The following PRRC2B variants were observed in gnomAD, a reference collection of about 807,000 sequenced individuals.
PRRC2B encodes protein PRRC2B.
In PRRC2B, 68 loss-of-function variants were observed where a neutral mutation model predicts 242.3. The observed-to-expected ratio is 0.28, with a 90% CI of 0.23 to 0.34. The LOEUF (loss-of-function observed/expected upper bound fraction) is 0.34. PRRC2B is among the 10% of genes least tolerant of loss of function. The pLI is 1.00. For synonymous variants in PRRC2B, 1,228 were observed against 1,173.6 expected (o/e 1.05, Z -0.95); for missense variants, 2,835 against 2,954.8 (o/e 0.96, Z 0.94).
chr9:131,462,030 A>T (rs1002598421), intron 11 of PRRC2B, among the ~76,000 whole-genome samples: 23 of 152,168 alleles, frequency 1.5e-4, no homozygotes, highest in Non-Finnish European at 2.9e-5. Context: ...TTTCATTCAC[A>T]TGTTGAGGTT....
upstream of PRRC2B, among the ~76,000 whole-genome samples, chr9:131,390,604 T>C (rs1836887748): frequency 7.0e-6 from 1 of 142,842 alleles, no homozygotes; most frequent in Non-Finnish European, 1.5e-5. Flanking sequence ...TGCCTCAGCC[T>C]CCCGAGTAGC....
At chr9:131,444,812 C>A (rs1020011930) in intron 6 of PRRC2B, among the ~76,000 whole-genome samples, 1 of 152,124 alleles carries the variant, frequency 6.6e-6, no homozygotes, top group African/African-American at 2.4e-5. Flanking sequence ...TGGTACTGGT[C>A]TCTACTGGCC....
intron 14 of PRRC2B, among the ~76,000 whole-genome samples, chr9:131,473,180 CAAT>C (rs1056938488): frequency 5.6e-4 from 86 of 152,214 alleles, no homozygotes; most frequent in African/African-American, 2.0e-3. Context: ...TTGTTTTAAA[CAAT>C]GTCTCAGTTG....
chr9:131,414,188 A>G (rs1837579831), intron 1 of PRRC2B, among the ~76,000 whole-genome samples: 1 of 151,954 alleles, frequency 6.6e-6, no homozygotes, highest in African/African-American at 2.4e-5. Flanking sequence ...CAGAAAAGGT[A>G]CTGGGAGAAC....
At chr9:131,466,809 T>C (rs1238055815) in intron 12 of PRRC2B, among the ~76,000 whole-genome samples, 1 of 148,090 alleles carries the variant, frequency 6.8e-6, no homozygotes, top group African/African-American at 2.5e-5. Flanking sequence ...CTTTTTTTCT[T>C]TTTTTTTTTG....
At chr9:131,449,027 A>G (rs1036922036) in intron 9 of PRRC2B, among the ~76,000 whole-genome samples, 1 of 152,170 alleles carries the variant, frequency 6.6e-6, no homozygotes, top group Non-Finnish European at 1.5e-5. Context: ...TTGCCTAGTT[A>G]ACAGACTTCA....
chr9:131,485,861 G>T, intron 25 of PRRC2B: 1 of 731,592 alleles, frequency 1.4e-6, no homozygotes, highest in Non-Finnish European at 2.5e-6. Flanking sequence ...CTCCTCCTAG[G>T]TCTGACGCTG....
intron 4 of PRRC2B, 27 bp downstream of exon 4, chr9:131,436,749 G>A: frequency 6.4e-7 from 1 of 1,567,452 alleles, no homozygotes. Context: ...CATCCCAACT[G>A]TTTCCTGGGC....
At chr9:131,384,667 C>T (rs941070441) in intron 1 of PRRC2B, among the ~76,000 whole-genome samples, 2 of 152,132 alleles carry the variant, frequency 1.3e-5, no homozygotes, top group Non-Finnish European at 2.9e-5. Flanking sequence ...ATCCACCCGC[C>T]TCAGCCTCCC....
chr9:131,479,657 G>A (rs1215321147), intron 19 of PRRC2B, among the ~76,000 whole-genome samples: 2 of 152,220 alleles, frequency 1.3e-5, no homozygotes, highest in Non-Finnish European at 2.9e-5. Context: ...TCTGGAAAAG[G>A]ATGGCCCCTT....
At position 131,487,046 on chromosome 9, in the gene PRRC2B, G is replaced by C; in HGVS notation, c.5857-121G>C. The C allele has an allele frequency of 1.2e-6, 1 of 824,180 alleles. No individual in the cohort carries two copies. The highest frequency in any genetic ancestry group is 2.0e-6 in the Non-Finnish European group (1 of 503,584). 51.1% of individuals were successfully genotyped at this position (824,180 alleles called of 1,614,324 possible). ...AGGGAAGCCCAGGAATGACATGCTG[G>C]CATTTGAATTTTGGGCAGTGTTCCA... On this transcript the variant is annotated intron_variant, in intron 26 of 31. Transcript: ENST00000683519. The surrounding 1 kb of genome is among the most constrained non-coding windows in gnomAD (Gnocchi z 5.3).
intron 5 of PRRC2B, among the ~76,000 whole-genome samples, chr9:131,443,357 C>T (rs1838675304): frequency 6.6e-6 from 1 of 151,580 alleles, no homozygotes; most frequent in African/African-American, 2.4e-5. Context: ...AGGATGGTCC[C>T]GATCTCCTGA....
Position 131,416,621 on chromosome 9 carries a change from CTTT to C in PRRC2B, c.-51-13465_-51-13463del, listed in dbSNP as rs11374835. 1.0e-3 allele frequency among the ~76,000 whole-genome samples: 155 copies of C among 149,736 alleles called. 4 individuals are homozygous for C. The South Asian group carries it at 0.031, about 30-fold the overall frequency. On this transcript the variant is annotated intron_variant, in intron 1 of 31. Coordinates refer to ENST00000683519, the MANE Select transcript of PRRC2B (RefSeq NM_013318.4). ...GATGTTCTTAGCTTGTACCCAGTGT[CTTT>C]TTTTTTTCCGTTCTAGGATGCCACA...
chr9:131,467,796 A>C, intron 13 of PRRC2B, 43 bp downstream of exon 13: 1 of 1,592,898 alleles, frequency 6.3e-7, no homozygotes, highest in East Asian at 2.2e-5. Flanking sequence ...AACAGGCCTG[A>C]GTGCCGAGCA....
intron 14 of PRRC2B, among the ~76,000 whole-genome samples, chr9:131,472,682 T>G (rs931134407): frequency 3.9e-5 from 6 of 152,086 alleles, no homozygotes; most frequent in Non-Finnish European, 8.8e-5. Context: ...TTTCACTATG[T>G]TGGTCAGGCT....
chr9:131,434,664 G>A (rs901271070), intron 3 of PRRC2B, among the ~76,000 whole-genome samples: 4 of 152,356 alleles, frequency 2.6e-5, no homozygotes, highest in East Asian at 1.9e-4. Flanking sequence ...GTGAATCTTG[G>A]AAGAGGGTGT....
intron 1 of PRRC2B, among the ~76,000 whole-genome samples, chr9:131,407,609 G>A (rs1471710063): frequency 6.6e-6 from 1 of 152,138 alleles, no homozygotes; most frequent in Non-Finnish European, 1.5e-5. Flanking sequence ...CGGCTTCTGG[G>A]GTCCAGTCCT....
chr9:131,464,728 C>T, intron 11 of PRRC2B, 35 bp from the exon 12 acceptor site: 5 of 1,535,174 alleles, frequency 3.3e-6, no homozygotes, highest in South Asian at 1.3e-5. Context: ...GGGTCCCGGA[C>T]CCACCGCCTT....
chr9:131,410,422 G>C (rs2131295870), intron 1 of PRRC2B, among the ~76,000 whole-genome samples: 1 of 152,318 alleles, frequency 6.6e-6, no homozygotes, highest in East Asian at 1.9e-4. Flanking sequence ...GTGCTGGCAG[G>C]GCCAGGGAGT....
Sources: gnomAD v4.1 joint callset for allele counts (sites outside exome capture counted in the v4.1 genomes callset) on GRCh38, gnomAD v4.1.1 for gene constraint, Gnocchi (gnomAD v3.1) non-coding constraint, MANE v1.5 for transcripts, NCBI Gene and HGNC (gene_info 2026-07-23, HGNC 2026-07-21) for gene names.